The following ACACA variants were observed in gnomAD, a reference collection of about 807,000 sequenced individuals.
ACACA encodes acetyl-CoA carboxylase alpha, also known as acetyl-CoA carboxylase 1.
A neutral mutation model predicts 296.1 loss-of-function variants in ACACA; 103 were observed. The observed-to-expected ratio is 0.35, with a 90% confidence interval of 0.30 to 0.41. ACACA has a LOEUF of 0.41. Among genes scored for constraint, ACACA ranks in the 10% least tolerant of loss-of-function variants. The pLI, the probability that ACACA is intolerant of heterozygous loss-of-function variation, is 1.00. For missense variants in ACACA, 1,554 were observed against 2,989.7 expected (o/e 0.52, Z 11.20); for synonymous variants, 953 against 1,038.6 (o/e 0.92, Z 1.58).
chr17:37,122,479 C>G, intron 49 of ACACA, 52 bp downstream of exon 49: 1 of 1,432,722 alleles, frequency 7.0e-7, no homozygotes, highest in Non-Finnish European at 9.9e-7. Context: ...ACAGGCACTG[C>G]GAAGAGAAAA....
chr17:37,240,617 G>T, intron 23 of ACACA, 53 bp from the exon 24 acceptor site: 12 of 1,509,430 alleles, frequency 8.0e-6, no homozygotes, highest in Non-Finnish European at 1.1e-5. Context: ...ACACTATTAA[G>T]CAATAAACCC....
At chr17:37,377,306 T>C (rs1464750747) in intron 1 of ACACA, among the ~76,000 whole-genome samples, 1 of 152,162 alleles carries the variant, frequency 6.6e-6, no homozygotes, top group Non-Finnish European at 1.5e-5. Context: ...GGTAATAGAT[T>C]GGTACACAGT....
intron 48 of ACACA, 127 bp downstream of exon 48, chr17:37,125,571 T>C: frequency 1.0e-6 from 1 of 967,572 alleles, no homozygotes; most frequent in Non-Finnish European, 1.6e-6. Flanking sequence ...GGCATGGCTA[T>C]AATCCAATAT....
At chr17:37,117,666 C>T (rs1256501295) in intron 50 of ACACA, among the ~76,000 whole-genome samples, 2 of 152,130 alleles carry the variant, frequency 1.3e-5, no homozygotes, top group Admixed American at 6.5e-5. Flanking sequence ...TTGCATTATG[C>T]TGAATAGCCT....
intron 30 of ACACA, among the ~76,000 whole-genome samples, chr17:37,208,854 G>A (rs768098664): frequency 1.3e-5 from 2 of 152,180 alleles, no homozygotes; most frequent in Admixed American, 1.3e-4. Flanking sequence ...TCAGGGCAAG[G>A]CAATGGCACT....
chr17:37,309,131 C>A (rs2084014634), intron 3 of ACACA, among the ~76,000 whole-genome samples: 1 of 152,102 alleles, frequency 6.6e-6, no homozygotes, highest in Non-Finnish European at 1.5e-5. Flanking sequence ...AAACAGTCCT[C>A]TCGCCTCAGC....
Position 37,316,333 on chromosome 17 carries a change from A to C in ACACA, c.338+13840T>G, listed in dbSNP as rs186694988. On this transcript the variant is annotated intron_variant, in intron 3 of 55. Transcript: ENST00000616317. ...CACACACACACACACACACACACAC[A>C]CCCCTAACTTTGCTAGCCTTTTTTC... is the stretch of plus-strand genomic sequence containing the variant. 3.9e-3 allele frequency among the ~76,000 whole-genome samples: 583 copies of C among 149,670 alleles called. 2 individuals are homozygous for C. Among genetic ancestry groups the C allele is most frequent in the African/African-American group, 0.012 (502 of 40,414 alleles).
rs535244094 is a variant in ACACA, at chr17:37,323,993, G to T, written c.338+6180C>A. On this transcript the variant is annotated intron_variant, in intron 3 of 55. Transcript: ENST00000616317. ...CGCCTGTAATCCCAGCACTTTGGGA[G>T]GCCAAGGCGGGTGGATCACCTGAGG... Among the ~76,000 whole-genome samples the T allele has an allele frequency of 2.9e-4, 44 of 152,330 alleles. No individual in the cohort carries two copies. The East Asian group carries it at 7.9e-3, about 27-fold the overall frequency.
chr17:37,194,990 G>C (rs1321707388), intron 35 of ACACA, among the ~76,000 whole-genome samples: 1 of 150,872 alleles, frequency 6.6e-6, no homozygotes, highest in Non-Finnish European at 1.5e-5. Flanking sequence ...GGTTAAGTAA[G>C]ATGCATTCAG....
chr17:37,126,230 A>T (rs9912138), intron 47 of ACACA, among the ~76,000 whole-genome samples: 1 of 152,014 alleles, frequency 6.6e-6, no homozygotes, highest in Non-Finnish European at 1.5e-5. Context: ...ACTGAAGGCT[A>T]AAAACAACCA....
chr17:37,123,935 CT>C (rs1318337212), intron 48 of ACACA, among the ~76,000 whole-genome samples: 1 of 152,162 alleles, frequency 6.6e-6, no homozygotes, highest in East Asian at 1.9e-4. Flanking sequence ...CTCAGAACAA[CT>C]TCTGTTTTCT....
intron 1 of ACACA, among the ~76,000 whole-genome samples, chr17:37,375,245 G>A (rs1041250678): frequency 6.6e-6 from 1 of 151,686 alleles, no homozygotes; most frequent in Non-Finnish European, 1.5e-5. Flanking sequence ...CCAGCACTTC[G>A]GGAGGCCGAG....
At chr17:37,192,558 G>A (rs568525789) in intron 36 of ACACA, among the ~76,000 whole-genome samples, 1 of 152,092 alleles carries the variant, frequency 6.6e-6, no homozygotes, top group African/African-American at 2.4e-5. Flanking sequence ...AAGTGGTGAT[G>A]ATATACATGA....
At chr17:37,386,256 G>A in intron 1 of ACACA, 3 of 611,166 alleles carry the variant, frequency 4.9e-6, no homozygotes, top group East Asian at 3.0e-5. Context: ...AGAAGTTACT[G>A]AATGTACATT....
At chr17:37,344,018 G>A (rs1293326482) in intron 1 of ACACA, among the ~76,000 whole-genome samples, 3 of 150,048 alleles carry the variant, frequency 2.0e-5, no homozygotes, top group East Asian at 3.9e-4. Context: ...AGTGGCTATT[G>A]ACACCTAAAT....
intron 40 of ACACA, among the ~76,000 whole-genome samples, chr17:37,180,502 T>G (rs2077277711): frequency 6.6e-6 from 1 of 152,174 alleles, no homozygotes; most frequent in African/African-American, 2.4e-5. Context: ...AAAGGACAAA[T>G]TCAGTATTCT....
At position 37,166,427 on chromosome 17, in the gene ACACA, C is replaced by T. The variant is rs1166471536; in HGVS notation, c.5080-4377G>A. 2.6e-5 allele frequency among the ~76,000 whole-genome samples: 4 copies of T among 152,224 alleles called. No individual in the cohort carries two copies. The East Asian group carries it at 7.7e-4, about 29-fold the overall frequency. On this transcript the variant is annotated intron_variant, in intron 41 of 55. Transcript: ENST00000616317. ...ATGCTGGGATTACAGGTGTGAGCCA[C>T]TGCACCCTGCCTCACTTTTAAAAAT...
chr17:37,217,488 C>T (rs2079061342), intron 29 of ACACA, among the ~76,000 whole-genome samples: 2 of 151,920 alleles, frequency 1.3e-5, no homozygotes, highest in South Asian at 4.1e-4. Flanking sequence ...GTAATCCCAG[C>T]ACTTTGGGAG....
intron 1 of ACACA, among the ~76,000 whole-genome samples, chr17:37,381,874 G>C (rs755141492): frequency 2.6e-5 from 4 of 151,274 alleles, no homozygotes; most frequent in South Asian, 2.1e-4. Flanking sequence ...TGATCTGCCC[G>C]CCTTGGCCTC....
Sources: gnomAD v4.1 joint callset for allele counts (sites outside exome capture counted in the v4.1 genomes callset) on GRCh38, gnomAD v4.1.1 for gene constraint, MANE v1.5 for transcripts, NCBI Gene and HGNC (gene_info 2026-07-23, HGNC 2026-07-21) for gene names.